The following ATP11A variants were observed in gnomAD, a reference collection of about 807,000 sequenced individuals.
The protein encoded by ATP11A is ATPase phospholipid transporting 11A, also known as phospholipid-transporting ATPase IH.
ATP11A carries 81 observed loss-of-function variants against 154.4 expected under a neutral mutation model. The ratio of observed to expected loss-of-function variants is 0.52; its 90% CI spans 0.44 to 0.63. ATP11A has a LOEUF of 0.63. Among genes scored for constraint, ATP11A ranks in the 30% least tolerant of loss-of-function variants. ATP11A has a pLI of 0.00. For missense variants in ATP11A, 1,316 were observed against 1,474.3 expected, an observed-to-expected ratio of 0.89 and a Z score of 1.76; for synonymous variants, 623 against 585.9, an observed-to-expected ratio of 1.06 and a Z score of -0.91.
At chr13:112,779,917 A>G (rs1410795529) in intron 1 of ATP11A, among the ~76,000 whole-genome samples, 1 of 152,118 alleles carries the variant, frequency 6.6e-6, no homozygotes, top group African/African-American at 2.4e-5. Context: ...TAAAAAGAAA[A>G]AAAAAAAAGA....
intron 12 of ATP11A, among the ~76,000 whole-genome samples, chr13:112,830,159 T>C (rs1213370349): frequency 6.6e-6 from 1 of 152,264 alleles, no homozygotes; most frequent in East Asian, 1.9e-4. Context: ...ATTTTTTTTA[T>C]TGTTCACTTT....
chr13:112,762,388 T>G (rs966944514), intron 1 of ATP11A, among the ~76,000 whole-genome samples: 1 of 152,038 alleles, frequency 6.6e-6, no homozygotes, highest in Non-Finnish European at 1.5e-5. Flanking sequence ...AGGCCGCTGT[T>G]GGAAAGACAG....
intron 17 of ATP11A, among the ~76,000 whole-genome samples, chr13:112,843,733 T>C (rs2079494304): frequency 6.6e-6 from 1 of 152,220 alleles, no homozygotes; most frequent in Non-Finnish European, 1.5e-5. Context: ...TAAGAATTCC[T>C]GCCGATGGAC....
intron 2 of ATP11A, among the ~76,000 whole-genome samples, chr13:112,794,339 G>A (rs767123756): frequency 1.3e-5 from 2 of 152,190 alleles, no homozygotes; most frequent in East Asian, 1.9e-4. Flanking sequence ...CCACTCTAAC[G>A]TGTGGAATAA....
At chr13:112,792,649 C>T (rs1439022081) in intron 2 of ATP11A, among the ~76,000 whole-genome samples, 1 of 151,870 alleles carries the variant, frequency 6.6e-6, no homozygotes, top group African/African-American at 2.4e-5. Context: ...AGTTTGTTTC[C>T]TTCTTGGGGG....
intron 1 of ATP11A, among the ~76,000 whole-genome samples, chr13:112,723,873 C>T (rs145328838): frequency 2.9e-3 from 445 of 152,252 alleles, no homozygotes; most frequent in East Asian, 0.013. Flanking sequence ...CTGTCTCGCC[C>T]GAAACCCGGA....
At chr13:112,712,851 G>T (rs115865994) in intron 1 of ATP11A, among the ~76,000 whole-genome samples, 1 of 152,256 alleles carries the variant, frequency 6.6e-6, no homozygotes. Flanking sequence ...AGGGGAGGTT[G>T]TGTCTCTGGT....
chr13:112,800,795 T>C (rs1245171747), intron 2 of ATP11A, among the ~76,000 whole-genome samples: 3 of 152,216 alleles, frequency 2.0e-5, no homozygotes, highest in Non-Finnish European at 2.9e-5. Context: ...AAAAGAATTA[T>C]ACACCATGAC....
chr13:112,798,597 C>T (rs930798794), intron 2 of ATP11A, among the ~76,000 whole-genome samples: 8 of 152,198 alleles, frequency 5.3e-5, no homozygotes, highest in Non-Finnish European at 1.2e-4. Context: ...ACACACAGTG[C>T]GGGTTATGTG....
intron 27 of ATP11A, among the ~76,000 whole-genome samples, chr13:112,873,955 C>T (rs1017118857): frequency 6.6e-6 from 1 of 152,162 alleles, no homozygotes; most frequent in African/African-American, 2.4e-5. Flanking sequence ...GGATTCCGCA[C>T]CAGGGGACCC....
chr13:112,702,215 G>A (rs1457828437), intron 1 of ATP11A, among the ~76,000 whole-genome samples: 1 of 151,750 alleles, frequency 6.6e-6, no homozygotes, highest in African/African-American at 2.4e-5. Context: ...GCATCGTGGC[G>A]GGCACCTGTA....
chr13:112,885,318 C>T lies in ATP11A; in HGVS notation c.*3452C>T, dbSNP rs1004897751. The T allele has an allele frequency of 1.3e-5, 2 of 152,090 alleles. No homozygotes were observed. Among genetic ancestry groups the T allele is most frequent in the East Asian group, 1.9e-4 (1 of 5,188 alleles). 9.4% of individuals were successfully genotyped at this position (152,090 alleles called of 1,614,324 possible). ...CACACGTGTATGCACAGCAGAGAGA[C>T]GTATGAGCTTCTACTGCACACATGC... On this transcript the variant is annotated 3_prime_UTR_variant, in exon 30 of 30. Transcript: ENST00000375645.
intron 27 of ATP11A, among the ~76,000 whole-genome samples, chr13:112,873,936 A>T (rs2080631031): frequency 6.6e-6 from 1 of 152,162 alleles, no homozygotes; most frequent in African/African-American, 2.4e-5. Flanking sequence ...TATACGGAGG[A>T]ACAGACCAGG....
At chr13:112,842,133 G>A (rs150587251) in intron 16 of ATP11A, 143 bp from the exon 17 acceptor site, 131 of 629,646 alleles carry the variant, frequency 2.1e-4, no homozygotes, top group African/African-American at 1.6e-3. Context: ...TGACTGTAGC[G>A]TGTTAACTGG....
At chr13:112,878,586 G>A (rs2080798677) in intron 29 of ATP11A, 2 of 515,256 alleles carry the variant, frequency 3.9e-6, no homozygotes, top group South Asian at 4.7e-5. Flanking sequence ...GCTGACAGCG[G>A]AGAGCTGGCC....
rs1888175008 is a variant in ATP11A, at chr13:112,714,288, G to C, written c.39+23833G>C. On this transcript the variant is annotated intron_variant, in intron 1 of 29. Coordinates refer to ENST00000375645, the MANE Select transcript of ATP11A (RefSeq NM_015205.3). ...CCTTCCCCGATTAGCACCTCCCGCT[G>C]CCGCTCCAGCTGTGTTCTCCATCTC... Among the ~76,000 whole-genome samples the C allele has an allele frequency of 2.0e-5, 3 of 152,112 alleles. No homozygotes were observed. The South Asian group carries it at 6.2e-4, about 32-fold the overall frequency.
At chr13:112,827,010 A>G (rs2140229802) in intron 12 of ATP11A, 119 bp downstream of exon 12, 2 of 988,748 alleles carry the variant, frequency 2.0e-6, no homozygotes, top group South Asian at 2.9e-5. Context: ...GGCGTAAGAC[A>G]GCAGCAGGGT....
In ATP11A at chr13:112,810,655, G is replaced by A. The variant is rs1291215561; in HGVS notation, c.370G>A (p.Ala124Thr). ...EDWLRHKADN[A>T]MNQCPVHFIQ... ...CTGGCTTCGACATAAAGCAGACAAT[G>A]CCATGAACCAGTGTCCTGTTCATTT... Residue 124 changes from alanine (A) to threonine (T), a missense_variant, in exon 5 of 30, where the codon GCC becomes ACC. Coordinates refer to ENST00000375645, the MANE Select transcript of ATP11A (RefSeq NM_015205.3). The A allele has an allele frequency of 1.9e-6, 3 of 1,613,864 alleles. No homozygotes were observed. Among genetic ancestry groups the A allele is most frequent in the Non-Finnish European group, 2.5e-6 (3 of 1,180,008 alleles).
intron 1 of ATP11A, among the ~76,000 whole-genome samples, chr13:112,700,158 C>G (rs1030644004): frequency 6.6e-6 from 1 of 150,864 alleles, no homozygotes; most frequent in Non-Finnish European, 1.5e-5. Flanking sequence ...ACGATTTGAT[C>G]AAAGGCATAA....
Sources: gnomAD v4.1 joint callset for allele counts (sites outside exome capture counted in the v4.1 genomes callset) on GRCh38, gnomAD v4.1.1 for gene constraint, MANE v1.5 for transcripts, NCBI Gene and HGNC (gene_info 2026-07-23, HGNC 2026-07-21) for gene names.